Variants in LDLRAD4 observed in about 807,000 individuals in gnomAD.
LDLRAD4 encodes low density lipoprotein receptor class A domain containing 4.
In LDLRAD4, 5 loss-of-function variants were observed where a neutral mutation model predicts 17.0. That is an observed-to-expected ratio of 0.29 (90% CI 0.15 to 0.62). LDLRAD4 has a LOEUF of 0.62. Among genes scored for constraint, LDLRAD4 ranks in the 20% least tolerant of loss-of-function variants. The pLI, the probability that LDLRAD4 is intolerant of heterozygous loss-of-function variation, is 0.84. For missense variants in LDLRAD4, 340 were observed against 424.7 expected, an observed-to-expected ratio of 0.80 and a Z score of 1.75; for synonymous variants, 168 against 171.8, an observed-to-expected ratio of 0.98 and a Z score of 0.17.
intron 4 of LDLRAD4, among the ~76,000 whole-genome samples, chr18:13,623,206 C>T (rs1301754247): frequency 6.6e-6 from 1 of 152,220 alleles, no homozygotes; most frequent in Non-Finnish European, 1.5e-5. Flanking sequence ...TCCCGGGAAG[C>T]GCTGGCTGCC....
chr18:13,582,246 C>T (rs936985706), intron 3 of LDLRAD4, among the ~76,000 whole-genome samples: 1 of 152,240 alleles, frequency 6.6e-6, no homozygotes, highest in African/African-American at 2.4e-5. Flanking sequence ...TTTTCTTTGC[C>T]TTTGAATGGC....
At chr18:13,342,601 T>C (rs1053263446) in intron 1 of LDLRAD4, among the ~76,000 whole-genome samples, 1 of 150,276 alleles carries the variant, frequency 6.7e-6, no homozygotes, top group Non-Finnish European at 1.5e-5. Context: ...TCCCTTATAA[T>C]AGTTTTTTAA....
chr18:13,572,862 G>GC (rs1416251578), intron 3 of LDLRAD4, among the ~76,000 whole-genome samples: 8 of 152,320 alleles, frequency 5.3e-5, no homozygotes, highest in African/African-American at 1.9e-4. Flanking sequence ...TAAAGCACAT[G>GC]CCCTGTCCCT....
exon 2 of LDLRAD4, chr18:13,387,455 T>A (rs966960803): frequency 5.0e-6 from 2 of 398,000 alleles, no homozygotes; most frequent in Non-Finnish European, 9.1e-6. Context: ...TCTGAGGGCC[T>A]GAGGGCCAGC....
At chr18:13,554,655 T>G (rs1242066070) in intron 3 of LDLRAD4, among the ~76,000 whole-genome samples, 3 of 152,228 alleles carry the variant, frequency 2.0e-5, no homozygotes, top group Admixed American at 6.5e-5. Flanking sequence ...TAATAATATT[T>G]TATTTAGGGA....
rs535128941 is a variant in LDLRAD4 at position 13,367,835 on chromosome 18, G to T, written c.-382-19506G>T. On this transcript the variant is annotated intron_variant, in intron 1 of 5. Transcript: ENST00000359446. This position sits in a 1 kb window ranked among gnomAD's most constrained non-coding sequence, Gnocchi z 4.1. ...GTACTGAGAGAGAGGGGACAGTGGG[G>T]TGTGGGGGTGTGCTATCAAGGGGTG... is the stretch of plus-strand genomic sequence containing the variant. Among the ~76,000 whole-genome samples the T allele has an allele frequency of 6.6e-6, 1 of 151,768 alleles. No homozygotes were observed. The highest frequency in any genetic ancestry group is 1.5e-5 in the Non-Finnish European group (1 of 67,924).
chr18:13,259,852 T>G (rs2043715675), intron 1 of LDLRAD4, among the ~76,000 whole-genome samples: 1 of 152,206 alleles, frequency 6.6e-6, no homozygotes. Flanking sequence ...TGAGCCCCAC[T>G]GGGTGCGCAG....
intron 1 of LDLRAD4, among the ~76,000 whole-genome samples, chr18:13,311,733 G>A (rs7231701): frequency 0.35 from 53,787 of 152,028 alleles, 10,064 homozygotes; most frequent in African/African-American, 0.48. Flanking sequence ...TTTCCATGCC[G>A]CCTGTGGCTC....
chr18:13,289,349 T>G (rs191759586), intron 1 of LDLRAD4, among the ~76,000 whole-genome samples: 36 of 152,338 alleles, frequency 2.4e-4, no homozygotes, highest in Non-Finnish European at 4.4e-4. Context: ...CTAGACTATT[T>G]GTGGTGACTA....
At position 13,602,891 on chromosome 18, in the gene LDLRAD4, A is replaced by G. The variant is rs543962765; in HGVS notation, c.182-18226A>G. The stretch of plus-strand genomic sequence containing the variant: ...CTCCAGGCACATCATGGCTTTCAGC[A>G]TTGGAACAGGTTCCAAGGAATCCTA... On this transcript the variant is annotated intron_variant, in intron 3 of 5. Transcript: ENST00000359446. Among the ~76,000 whole-genome samples the G allele has an allele frequency of 7.2e-5, 11 of 152,336 alleles. No homozygotes were observed. In the East Asian group the frequency reaches 1.5e-3, roughly 21 times the overall value.
Position 13,309,083 on chromosome 18 carries a change from T to C in LDLRAD4, c.-383+30895T>C, listed in dbSNP as rs557297688. ...CATAGCTGGAAGGAGATTGTAATTA[T>C]CACCAAAGATGAAAAACTAAGGCAT... On this transcript the variant is annotated intron_variant, in intron 1 of 5. Transcript: ENST00000359446. 3.3e-5 allele frequency among the ~76,000 whole-genome samples: 5 copies of C among 152,336 alleles called. No homozygotes were observed. In the East Asian group the frequency reaches 9.6e-4, roughly 29 times the overall value.
intron 4 of LDLRAD4, among the ~76,000 whole-genome samples, chr18:13,630,049 C>G (rs1287546369): frequency 6.6e-6 from 1 of 151,982 alleles, no homozygotes; most frequent in Admixed American, 6.5e-5. Flanking sequence ...CATTCCCAGG[C>G]TGATTCCTCT....
chr18:13,502,741 G>C (rs929998794), intron 3 of LDLRAD4, among the ~76,000 whole-genome samples: 2 of 152,218 alleles, frequency 1.3e-5, no homozygotes, highest in East Asian at 1.9e-4. Context: ...ACCCATGGAC[G>C]TGATCTGTCT....
At chr18:13,532,161 TA>T (rs1345360421) in intron 3 of LDLRAD4, among the ~76,000 whole-genome samples, 4 of 152,156 alleles carry the variant, frequency 2.6e-5, no homozygotes, top group Non-Finnish European at 4.4e-5. Context: ...GCCGGGCTGT[TA>T]AAGTCACCCG....
At chr18:13,414,625 T>G (rs2088701532) in intron 2 of LDLRAD4, among the ~76,000 whole-genome samples, 1 of 152,000 alleles carries the variant, frequency 6.6e-6, no homozygotes, top group Non-Finnish European at 1.5e-5. Flanking sequence ...CAGCAGGAGG[T>G]CCATTAAACC....
chr18:13,439,513 C>T (rs1298193), intron 3 of LDLRAD4, among the ~76,000 whole-genome samples: 1 of 152,344 alleles, frequency 6.6e-6, no homozygotes, highest in Admixed American at 6.5e-5. Flanking sequence ...CATCTCTATA[C>T]TTTGCAAAGA....
rs539772139 is a variant in LDLRAD4 at position 13,495,920 on chromosome 18, C to T, written c.181+57536C>T. 1.1e-4 allele frequency among the ~76,000 whole-genome samples: 17 copies of T among 152,300 alleles called. 2 individuals carry two copies. In the South Asian group the frequency reaches 3.5e-3, roughly 32 times the overall value. ...GTCGCCTCGGCCTCCAGCTGCCGGG[C>T]CCTTGTGGAGTTTCTTCCCACGGAT... On this transcript the variant is annotated intron_variant, in intron 3 of 5. Coordinates refer to ENST00000359446, the Ensembl canonical transcript of LDLRAD4.
chr18:13,406,161 G>A (rs1040692847), intron 2 of LDLRAD4, among the ~76,000 whole-genome samples: 6 of 152,164 alleles, frequency 3.9e-5, no homozygotes, highest in African/African-American at 1.4e-4. Context: ...GTTATGCCTG[G>A]GCCCCCTGGG....
chr18:13,648,424 G>GAATT (rs1369517293), exon 6 of LDLRAD4: 1 of 152,224 alleles, frequency 6.6e-6, no homozygotes, highest in African/African-American at 2.4e-5. Flanking sequence ...GCTCTGTAAT[G>GAATT]AATTAGTTTA....
Sources: allele counts gnomAD v4.1 joint callset (sites outside exome capture counted in the v4.1 genomes callset), GRCh38; gene constraint gnomAD v4.1.1; non-coding constraint Gnocchi (gnomAD v3.1); transcripts MANE v1.5; gene names NCBI Gene and HGNC (gene_info 2026-07-23, HGNC 2026-07-21).